Variants in DENND2A observed in about 807,000 individuals in gnomAD.
DENND2A encodes DENN domain containing 2A.
Under a neutral mutation model 105.3 loss-of-function variants are expected in DENND2A, and 53 were observed. That is an observed-to-expected ratio of 0.50 (90% confidence interval 0.40 to 0.63). The LOEUF (loss-of-function observed/expected upper bound fraction) is 0.63, where lower values mean the gene tolerates loss of function less well. Ranked by LOEUF, DENND2A falls within the 30% of genes least tolerant of loss-of-function variation. The pLI is 0.00. For synonymous variants in DENND2A, 522 were observed against 508.4 expected (o/e 1.03, Z -0.36); for missense variants, 1,138 against 1,279.6 (o/e 0.89, Z 1.69).
chr7:140,545,805 T>C (rs993943985), intron 13 of DENND2A, among the ~76,000 whole-genome samples: 1 of 152,204 alleles, frequency 6.6e-6, no homozygotes, highest in Admixed American at 6.5e-5. Flanking sequence ...ACTCTTAGTG[T>C]TGCACCGCCT....
chr7:140,519,554 G>A (rs1293416549), intron 19 of DENND2A, 78 bp downstream of exon 19: 1 of 1,331,294 alleles, frequency 7.5e-7, no homozygotes, highest in African/African-American at 1.5e-5. Context: ...GCTGGCTCCA[G>A]TGGAGGGAAC....
chr7:140,525,690 G>T lies in DENND2A; in HGVS notation c.2547+61C>A, dbSNP rs1434700476. Reference sequence around the variant, plus strand: ...AGCCTTTCCAAGGCTGGAGAGCTGAGCCCCAAACAACAAATAGGTAAAGAC... The same window carrying T: ...AGCCTTTCCAAGGCTGGAGAGCTGATCCCCAAACAACAAATAGGTAAAGAC... On this transcript the variant is annotated intron_variant, in intron 16 of 19. Transcript: ENST00000496613. 2.7e-6 allele frequency: 4 copies of T among 1,469,270 alleles called. No individual in the cohort carries two copies. The African/African-American group carries it at 4.2e-5, about 16-fold the overall frequency. 91.0% of individuals were successfully genotyped at this position (1,469,270 alleles called of 1,614,324 possible). A position where few individuals can be genotyped will look rare whatever the true frequency, so the allele number is the denominator to read the frequency against.
At chr7:140,591,829 C>A (rs1799045905) in intron 3 of DENND2A, among the ~76,000 whole-genome samples, 1 of 126,872 alleles carries the variant, frequency 7.9e-6, no homozygotes, top group East Asian at 2.6e-4. Context: ...TTCTTTCCCT[C>A]CCTCCCTCCC....
At chr7:140,615,380 C>G (rs1215307196) in intron 1 of DENND2A, among the ~76,000 whole-genome samples, 1 of 152,178 alleles carries the variant, frequency 6.6e-6, no homozygotes, top group African/African-American at 2.4e-5. Context: ...AAACTGCGGC[C>G]TGCACCCTTC....
intron 19 of DENND2A, 55 bp downstream of exon 19, chr7:140,519,577 C>T (rs984413767): frequency 8.5e-6 from 13 of 1,536,722 alleles, no homozygotes; most frequent in African/African-American, 6.8e-5. Context: ...GCTGGGACTC[C>T]GAGACAGACA....
intron 5 of DENND2A, among the ~76,000 whole-genome samples, chr7:140,583,843 G>A (rs1210763961): frequency 1.4e-5 from 2 of 146,208 alleles, no homozygotes; most frequent in Non-Finnish European, 3.0e-5. Context: ...GGAGAATGGC[G>A]TAAACCTGGG....
chr7:140,579,708 G>A (rs192621004), intron 5 of DENND2A, among the ~76,000 whole-genome samples: 19 of 152,130 alleles, frequency 1.2e-4, no homozygotes, highest in Non-Finnish European at 2.4e-4. Flanking sequence ...ACACATGGAC[G>A]CACACCACAC....
At chr7:140,543,121 C>CT (rs35896324) in intron 14 of DENND2A, among the ~76,000 whole-genome samples, 6,230 of 139,094 alleles carry the variant, frequency 0.045, 169 homozygotes, top group Middle Eastern at 0.074. Flanking sequence ...CTTTTCTTTT[C>CT]TTTTTTTTTT....
intron 6 of DENND2A, among the ~76,000 whole-genome samples, chr7:140,570,540 C>T (rs934818187): frequency 2.0e-5 from 3 of 152,232 alleles, no homozygotes; most frequent in Admixed American, 1.3e-4. Context: ...CGAGCCCTAG[C>T]TTGGGACTAC....
rs748800834 is a variant in DENND2A at position 140,601,557 on chromosome 7, T to C, written c.841A>G (p.Lys281Glu). The change falls in exon 3 of 20, where the codon AAA (lysine) becomes GAA (glutamate). Residue 281 changes from lysine (K) to glutamate (E), a missense_variant. Lys to Glu is a moderately conservative substitution (Grantham distance 56, BLOSUM62 1). Coordinates refer to ENST00000496613, the MANE Select transcript of DENND2A (RefSeq NM_015689.5). Reference sequence around the variant, plus strand: ...AAGCCGATGCCAGGCTTCCCATCTTTGTCCCCTTCTCCGGCATGTTTGAAC... The same window carrying C: ...AAGCCGATGCCAGGCTTCCCATCTTCGTCCCCTTCTCCGGCATGTTTGAAC... ...RTFKHAGEGD[K>E]DGKPGIGFRK... 18 of 1,614,092 alleles carry C rather than the reference T, an allele frequency of 1.1e-5. No homozygotes were observed. The highest frequency in any genetic ancestry group is 1.5e-5 in the Non-Finnish European group (18 of 1,180,042).
intron 1 of DENND2A, among the ~76,000 whole-genome samples, chr7:140,638,293 A>C (rs1417061240): frequency 1.3e-5 from 2 of 152,192 alleles, no homozygotes; most frequent in Non-Finnish European, 2.9e-5. Flanking sequence ...TAATCTGCTA[A>C]ATGCAGGCCA....
intron 10 of DENND2A, among the ~76,000 whole-genome samples, chr7:140,558,955 C>T (rs1329263281): frequency 6.6e-6 from 1 of 151,946 alleles, no homozygotes; most frequent in Admixed American, 6.6e-5. Flanking sequence ...TAAGGGCTCT[C>T]CCATCATTCA....
intron 9 of DENND2A, among the ~76,000 whole-genome samples, chr7:140,562,562 T>A (rs1011021155): frequency 2.0e-5 from 3 of 152,064 alleles, no homozygotes; most frequent in African/African-American, 7.2e-5. Context: ...CTCAGGAGGC[T>A]GAGGCAGAAG....
rs10653353 is a variant in DENND2A at position 140,537,657 on chromosome 7, A to ATTTGTTTGTTTGTTTG, written c.2327+6945_2327+6960dup. ...TTTGTCCCCTATTAAGGTGTTTTTC[A>ATTTGTTTGTTTGTTTG]TTTGTTTGTTTGTTTGTTTGTTTGT... On this transcript the variant is annotated intron_variant, in intron 14 of 19. Transcript: ENST00000496613. 1.6e-3 allele frequency among the ~76,000 whole-genome samples: 248 copies of ATTTGTTTGTTTGTTTG among 151,702 alleles called. 2 individuals carry two copies. The highest frequency in any genetic ancestry group is 5.8e-3 in the African/African-American group (238 of 41,226).
intron 1 of DENND2A, among the ~76,000 whole-genome samples, chr7:140,612,276 G>A (rs1300798064): frequency 1.3e-5 from 2 of 151,828 alleles, no homozygotes; most frequent in African/African-American, 4.8e-5. Context: ...GATGGTGAAT[G>A]TTATGTGCAT....
At position 140,601,502 on chromosome 7, in the gene DENND2A, A is replaced by T. The variant is rs1386303435; in HGVS notation, c.896T>A (p.Leu299Gln). The T allele has an allele frequency of 1.9e-6, 3 of 1,614,098 alleles. No homozygotes were observed. In the East Asian group the frequency reaches 6.7e-5, roughly 36 times the overall value. Reference protein sequence around the residue: ...FRKEKRNLPPLPSLPPPPLPS... With the variant: ...FRKEKRNLPPQPSLPPPPLPS... The stretch of plus-strand genomic sequence containing the variant: ...CAGAGGCGGGGGAGGTAGAGAGGGC[A>T]GAGGAGGCAGATTTCTTTTCTCTTT... Residue 299 changes from leucine (L) to glutamine (Q), a missense_variant, in exon 3 of 20, where the codon CTG becomes CAG. Physicochemically the swap from Leu to Gln is moderately radical, Grantham distance 113 (BLOSUM62 -2). Transcript: ENST00000496613.
At chr7:140,580,322 C>CATGT (rs1244660190) in intron 5 of DENND2A, among the ~76,000 whole-genome samples, 1 of 152,000 alleles carries the variant, frequency 6.6e-6, no homozygotes, top group Non-Finnish European at 1.5e-5. Context: ...TGCATGTATG[C>CATGT]ATGTATGTAT....
chr7:140,627,419 T>G (rs1185783888), intron 1 of DENND2A, among the ~76,000 whole-genome samples: 3 of 152,112 alleles, frequency 2.0e-5, no homozygotes, highest in African/African-American at 7.2e-5. Flanking sequence ...TTCACCATGT[T>G]GGCCAGGCTG....
At chr7:140,593,349 C>A (rs1219559996) in intron 3 of DENND2A, among the ~76,000 whole-genome samples, 1 of 152,188 alleles carries the variant, frequency 6.6e-6, no homozygotes, top group African/African-American at 2.4e-5. Flanking sequence ...CTCAAATGAT[C>A]GTTTGATATT....
Sources: gnomAD v4.1 joint callset for allele counts (sites outside exome capture counted in the v4.1 genomes callset) on GRCh38, gnomAD v4.1.1 for gene constraint, MANE v1.5 for transcripts, NCBI Gene and HGNC (gene_info 2026-07-23, HGNC 2026-07-21) for gene names.